SERGEF: variants seen among roughly 807,000 people sequenced by gnomAD.
SERGEF encodes secretion regulating guanine nucleotide exchange factor.
In SERGEF, 51 loss-of-function variants were observed where a neutral mutation model predicts 50.0. The observed-to-expected ratio is 1.02, with a 90% CI of 0.81 to 1.29. The LOEUF (loss-of-function observed/expected upper bound fraction) is 1.29, where lower values mean the gene tolerates loss of function less well. Among genes scored for constraint, SERGEF ranks in the 50% most tolerant of loss-of-function variants. The probability of loss-of-function intolerance (pLI) is 0.00; values close to 1 mark genes in which losing one functional copy is unlikely to be tolerated. For missense variants in SERGEF, 521 were observed against 557.0 expected (o/e 0.94, Z 0.65); for synonymous variants, 205 against 212.4 (o/e 0.97, Z 0.30).
At chr11:17,878,334 C>T in intron 9 of SERGEF, 90 bp from the exon 10 acceptor site, 1 of 996,880 alleles carries the variant, frequency 1.0e-6, no homozygotes, top group Non-Finnish European at 1.5e-6. Context: ...ACACTAACAT[C>T]CATTTTTGGC....
At chr11:17,941,058 A>G (rs899396881) in intron 9 of SERGEF, among the ~76,000 whole-genome samples, 10 of 152,204 alleles carry the variant, frequency 6.6e-5, no homozygotes, top group Non-Finnish European at 1.2e-4. Context: ...CCTACTACCT[A>G]GATTCTATAG....
intron 10 of SERGEF, among the ~76,000 whole-genome samples, chr11:17,869,347 C>G (rs1190824324): frequency 1.3e-5 from 2 of 152,186 alleles, no homozygotes; most frequent in East Asian, 3.8e-4. Flanking sequence ...AATGCCTAAT[C>G]TCCCTAATAT....
chr11:17,823,607 G>A (rs1053116791), intron 10 of SERGEF, among the ~76,000 whole-genome samples: 3 of 152,182 alleles, frequency 2.0e-5, no homozygotes, highest in African/African-American at 7.2e-5. Context: ...AAGGCGGGGA[G>A]GGTGGCTAGG....
chr11:18,011,432 G>A (rs1327761154), intron 1 of SERGEF, among the ~76,000 whole-genome samples: 1 of 152,214 alleles, frequency 6.6e-6, no homozygotes, highest in Non-Finnish European at 1.5e-5. Context: ...CAGTGAGAAG[G>A]CGGCCATCTG....
rs371441085 is a variant in SERGEF, at chr11:17,956,730, A to G, written c.1011+2740T>C. ...GCTTATCCCTTGGACATTAAAGGCA[A>G]CTAAGAAGAATTAAAGGCAGTTGGT... On this transcript the variant is annotated intron_variant, in intron 9 of 10. Transcript: ENST00000265965. Among the ~76,000 whole-genome samples, 4 of 152,236 alleles carry G rather than the reference A, an allele frequency of 2.6e-5. No homozygotes were observed. In the South Asian group the frequency reaches 8.3e-4, roughly 32 times the overall value.
At chr11:17,856,882 T>C (rs1242734748) in intron 10 of SERGEF, 3 of 152,230 alleles carry the variant, frequency 2.0e-5, no homozygotes, top group Admixed American at 2.0e-4. Context: ...CATTATCTTT[T>C]TTTGTTTCTT....
chr11:17,816,738 G>A (rs1370712105), intron 10 of SERGEF, among the ~76,000 whole-genome samples: 3 of 152,200 alleles, frequency 2.0e-5, no homozygotes, highest in South Asian at 4.1e-4. Context: ...GTCCTGCAGA[G>A]TCTTGTCTCT....
At chr11:17,795,741 G>T (rs1345166828) in intron 10 of SERGEF, among the ~76,000 whole-genome samples, 1 of 152,174 alleles carries the variant, frequency 6.6e-6, no homozygotes, top group African/African-American at 2.4e-5. Flanking sequence ...GACTTGTGCT[G>T]CACACAAGAC....
intron 10 of SERGEF, among the ~76,000 whole-genome samples, chr11:17,840,476 G>A (rs1047624396): frequency 4.6e-5 from 7 of 152,136 alleles, no homozygotes; most frequent in South Asian, 2.1e-4. Flanking sequence ...AGAAGGACAC[G>A]AAACCTCCTC....
At chr11:17,847,368 AG>A (rs1261557456) in intron 10 of SERGEF, among the ~76,000 whole-genome samples, 12 of 152,126 alleles carry the variant, frequency 7.9e-5, no homozygotes, top group Admixed American at 7.2e-4. Flanking sequence ...GGGGACAGGG[AG>A]GGGCAGTGAG....
intron 10 of SERGEF, among the ~76,000 whole-genome samples, chr11:17,876,662 G>A (rs528878187): frequency 2.0e-4 from 31 of 152,354 alleles, no homozygotes; most frequent in Middle Eastern, 6.8e-3. Flanking sequence ...GGCTGCCTAC[G>A]TCAGCTCAGC....
intron 10 of SERGEF, among the ~76,000 whole-genome samples, chr11:17,821,493 C>A (rs1487719356): frequency 6.6e-6 from 1 of 152,146 alleles, no homozygotes; most frequent in South Asian, 2.1e-4. Context: ...ACCAGGTAGA[C>A]GGTAGGTGCT....
intron 4 of SERGEF, chr11:18,000,764 T>G: frequency 1.5e-6 from 1 of 668,182 alleles, no homozygotes. Context: ...CATATCACAA[T>G]ACCATATGAC....
chr11:17,830,649 GGAGAGAGAGA>G (rs55967425), intron 10 of SERGEF, among the ~76,000 whole-genome samples: 10 of 77,726 alleles, frequency 1.3e-4, no homozygotes, highest in East Asian at 4.6e-4. Context: ...GGAGAGGGAG[GGAGAGAGAGA>G]GAGAGAGAGA....
At chr11:17,880,581 TAAC>T (rs1851318386) in intron 9 of SERGEF, among the ~76,000 whole-genome samples, 7 of 152,200 alleles carry the variant, frequency 4.6e-5, no homozygotes, top group Admixed American at 3.3e-4. Flanking sequence ...ATCAAAATGT[TAAC>T]AATGAGTATG....
At chr11:17,954,768 A>G (rs1852833262) in intron 9 of SERGEF, among the ~76,000 whole-genome samples, 2 of 152,228 alleles carry the variant, frequency 1.3e-5, no homozygotes, top group Non-Finnish European at 2.9e-5. Context: ...GGCAGAATTT[A>G]AACCAGGAAC....
At chr11:17,866,922 C>G (rs1345978310) in intron 10 of SERGEF, 1 of 152,192 alleles carries the variant, frequency 6.6e-6, no homozygotes, top group African/African-American at 2.4e-5. Context: ...ACCATCAGAT[C>G]TCGTGAGACT....
intron 9 of SERGEF, among the ~76,000 whole-genome samples, chr11:17,890,608 A>G (rs1257733433): frequency 1.3e-5 from 2 of 151,978 alleles, no homozygotes; most frequent in Non-Finnish European, 2.9e-5. Context: ...TTTTGTAGAG[A>G]TGGGGTCTTA....
rs372337487 is a variant in SERGEF, at chr11:17,914,429, T to C, written c.1012-36185A>G. ...GTTTTTATTTTTTTAATTTATTTTA[T>C]TTTTTTAGAGTTGGGGTCTTGCTCT... On this transcript the variant is annotated intron_variant, in intron 9 of 10. Transcript: ENST00000265965. Among the ~76,000 whole-genome samples, 916 of 152,108 alleles carry C rather than the reference T, an allele frequency of 6.0e-3. 15 individuals carry two copies. The highest frequency in any genetic ancestry group is 0.021 in the African/African-American group (854 of 41,520).
Sources: gnomAD v4.1 joint callset for allele counts (sites outside exome capture counted in the v4.1 genomes callset) on GRCh38, gnomAD v4.1.1 for gene constraint, MANE v1.5 for transcripts, NCBI Gene and HGNC (gene_info 2026-07-23, HGNC 2026-07-21) for gene names.